CLEC19A: variants seen among roughly 807,000 people sequenced by gnomAD.
The protein encoded by CLEC19A is C-type lectin domain containing 19A, also known as C-type lectin domain family 19 member A.
CLEC19A carries 21 observed loss-of-function variants against 26.1 expected under a neutral mutation model. The ratio of observed to expected loss-of-function variants is 0.80; its 90% CI spans 0.57 to 1.16. CLEC19A has a LOEUF of 1.16. CLEC19A is among the 50% of genes most tolerant of loss of function. The pLI is 0.00. For missense variants in CLEC19A, 224 were observed against 227.6 expected (o/e 0.98, Z 0.10); for synonymous variants, 89 against 88.6 (o/e 1.00, Z -0.03).
intron 3 of CLEC19A, among the ~76,000 whole-genome samples, chr16:19,304,701 G>GA (rs200392261): frequency 0.23 from 34,269 of 146,922 alleles, 4,036 homozygotes; most frequent in East Asian, 0.4. Context: ...ACTCCAACTT[G>GA]AAAAAAAAAA....
chr16:19,285,743 C>A lies in CLEC19A; in HGVS notation c.-109C>A. 2 of 882,674 alleles carry A rather than the reference C, an allele frequency of 2.3e-6. No individual in the cohort carries two copies. Among genetic ancestry groups the A allele is most frequent in the Non-Finnish European group, 3.6e-6 (2 of 551,040 alleles). 54.7% of individuals were successfully genotyped at this position (882,674 alleles called of 1,614,324 possible). ...CTGGAGTCCATCCAGTCTGTCCCAGCTCCTGCCAGGCTCCATCTGACCCTA... is the reference window on the plus strand; with the variant it reads ...CTGGAGTCCATCCAGTCTGTCCCAGATCCTGCCAGGCTCCATCTGACCCTA... On this transcript the variant is annotated 5_prime_UTR_variant, in exon 1 of 5. Transcript: ENST00000636231.
chr16:19,304,626 G>A (rs1296577874), intron 3 of CLEC19A, among the ~76,000 whole-genome samples: 4 of 152,016 alleles, frequency 2.6e-5, no homozygotes, highest in Non-Finnish European at 5.9e-5. Context: ...GCTTGAACCC[G>A]GGAGGCAGAG....
intron 4 of CLEC19A, among the ~76,000 whole-genome samples, 177 bp downstream of exon 4, chr16:19,307,854 A>G (rs530418149): frequency 3.3e-5 from 5 of 152,328 alleles, no homozygotes; most frequent in Admixed American, 6.5e-5. Flanking sequence ...GCCATTCGCC[A>G]CAATGGATAT....
At chr16:19,297,371 T>A (rs1415160750) in intron 1 of CLEC19A, among the ~76,000 whole-genome samples, 1 of 152,220 alleles carries the variant, frequency 6.6e-6, no homozygotes, top group Admixed American at 6.5e-5. Flanking sequence ...GTGATAACAC[T>A]GAGCTCTGGC....
intron 3 of CLEC19A, among the ~76,000 whole-genome samples, chr16:19,306,731 C>T (rs1897963594): frequency 6.6e-6 from 1 of 150,968 alleles, no homozygotes; most frequent in African/African-American, 2.4e-5. Context: ...CTAAAGGACA[C>T]ATTAACTCCA....
At chr16:19,296,595 G>A (rs971597572) in intron 1 of CLEC19A, among the ~76,000 whole-genome samples, 1 of 152,160 alleles carries the variant, frequency 6.6e-6, no homozygotes, top group Admixed American at 6.5e-5. Context: ...AACTTTATGA[G>A]CAAAAACTTG....
chr16:19,300,366 C>T (rs1897794173), intron 2 of CLEC19A, among the ~76,000 whole-genome samples: 1 of 151,764 alleles, frequency 6.6e-6, no homozygotes. Context: ...ACAGGCAACA[C>T]AGCAAGACCC....
intron 1 of CLEC19A, among the ~76,000 whole-genome samples, chr16:19,296,196 T>A (rs561247608): frequency 6.6e-6 from 1 of 152,128 alleles, no homozygotes; most frequent in Middle Eastern, 3.4e-3. Flanking sequence ...GCCGCTGGGG[T>A]TGGGGACAGG....
intron 2 of CLEC19A, among the ~76,000 whole-genome samples, chr16:19,301,766 T>TAA (rs1555467832): frequency 1.7e-5 from 2 of 116,096 alleles, no homozygotes; most frequent in African/African-American, 3.2e-5. Context: ...TTTTTTTTTG[T>TAA]ATTTTTAGCA....
Position 19,304,066 on chromosome 16 carries a change from G to T in CLEC19A, c.259G>T (p.Glu87Ter), listed in dbSNP as rs1897892935. Residue 87 changes from glutamate (E) to a stop codon, truncating the protein, a stop_gained, in exon 3 of 5, where the codon GAG becomes TAG. Coordinates refer to ENST00000636231, the MANE Select transcript of CLEC19A (RefSeq NM_001256720.2). LOFTEE classifies it high-confidence loss of function. The stretch of plus-strand genomic sequence containing the variant: ...CTATTATTCTTAAATTCGCAGCTGG[G>T]AGGAGAATGTCTTTGTATATGACCT... ...SAKLASIHSW[E>*]ENVFVYDLVN... 1 of 1,548,690 alleles carries T rather than the reference G, an allele frequency of 6.5e-7. No homozygotes were observed. The highest frequency in any genetic ancestry group is 1.2e-5 in the South Asian group (1 of 83,992).
Position 19,307,602 on chromosome 16 carries a change from A to G in CLEC19A, c.406A>G (p.Ser136Gly). ...SSYDYSYWDG[S>G]QPDDGVHADP... Reference sequence around the variant, plus strand: ...CTATGACTACAGCTACTGGGATGGCAGCCAGCCAGATGATGGCGTCCACGC... The same window carrying G: ...CTATGACTACAGCTACTGGGATGGCGGCCAGCCAGATGATGGCGTCCACGC... Residue 136 changes from serine to glycine, a missense_variant, in exon 4 of 5, where the codon AGC becomes GGC. Ser to Gly is a moderately conservative substitution (Grantham distance 56). Transcript: ENST00000636231. The G allele has an allele frequency of 1.3e-6, 2 of 1,548,352 alleles. No individual in the cohort carries two copies. Among genetic ancestry groups the G allele is most frequent in the Admixed American group, 3.9e-5 (2 of 50,996 alleles).
At chr16:19,301,759 T>TTTTTTTTTTG (rs1897838348) in intron 2 of CLEC19A, among the ~76,000 whole-genome samples, 1 of 136,238 alleles carries the variant, frequency 7.3e-6, no homozygotes, top group Admixed American at 7.5e-5. Context: ...TTTTTTTTTT[T>TTTTTTTTTTG]TTTTTGTATT....
At chr16:19,293,852 G>A (rs1198063431) in intron 1 of CLEC19A, among the ~76,000 whole-genome samples, 1 of 152,104 alleles carries the variant, frequency 6.6e-6, no homozygotes, top group Non-Finnish European at 1.5e-5. Flanking sequence ...ATCACATCAA[G>A]GTAAATGAGG....
chr16:19,301,292 T>C (rs1172453425), intron 2 of CLEC19A, among the ~76,000 whole-genome samples: 1 of 152,010 alleles, frequency 6.6e-6, no homozygotes, highest in Non-Finnish European at 1.5e-5. Flanking sequence ...CTGTCAAGGA[T>C]TGGATAGAAA....
chr16:19,296,938 G>A (rs192824461), intron 1 of CLEC19A, among the ~76,000 whole-genome samples: 119 of 152,248 alleles, frequency 7.8e-4, no homozygotes, highest in Middle Eastern at 3.4e-3. Flanking sequence ...CAGATACAGA[G>A]CTGGGGGTAG....
chr16:19,294,713 A>G (rs755548392), intron 1 of CLEC19A, among the ~76,000 whole-genome samples: 3 of 152,338 alleles, frequency 2.0e-5, no homozygotes, highest in South Asian at 2.1e-4. Flanking sequence ...CTTTTAAGCC[A>G]TGGGCTAGGA....
intron 1 of CLEC19A, among the ~76,000 whole-genome samples, chr16:19,292,630 A>G (rs1897613841): frequency 6.6e-6 from 1 of 152,222 alleles, no homozygotes; most frequent in East Asian, 1.9e-4. Flanking sequence ...TGATGGGGAT[A>G]GAGGAGGAAT....
rs556217041 is a variant in CLEC19A at position 19,310,692 on chromosome 16, C to T, written c.*1609C>T. The stretch of plus-strand genomic sequence containing the variant: ...TTATGCTTCCAGTCACAAAAGACCA[C>T]ATGTTGTATGATTCCATATATATGA... On this transcript the variant is annotated 3_prime_UTR_variant, in exon 5 of 5. Transcript: ENST00000636231. 1.3e-5 allele frequency: 2 copies of T among 152,230 alleles called. No individual in the cohort carries two copies. The highest frequency in any genetic ancestry group is 4.8e-5 in the African/African-American group (2 of 41,524). The allele number at this position is 152,230 out of a possible 1,614,324, so 9.4% of individuals were successfully genotyped here. A position where few individuals can be genotyped will look rare whatever the true frequency, so the allele number is the denominator to read the frequency against.
chr16:19,309,202 G>T lies in CLEC19A; in HGVS notation c.*119G>T, dbSNP rs987473099. ...ATAGGAAGTAAATCTCTTGGACAGAGATTTTAAACAAGCAGATCTTAATTA... is the reference window on the plus strand; with the variant it reads ...ATAGGAAGTAAATCTCTTGGACAGATATTTTAAACAAGCAGATCTTAATTA... On this transcript the variant is annotated 3_prime_UTR_variant, in exon 5 of 5. Transcript: ENST00000636231. 2 of 749,956 alleles carry T rather than the reference G, an allele frequency of 2.7e-6. No homozygotes were observed. The highest frequency in any genetic ancestry group is 2.1e-6 in the Non-Finnish European group (1 of 465,834). The allele number at this position is 749,956 out of a possible 1,614,324, so 46.5% of individuals were successfully genotyped here.
Sources: gnomAD v4.1 joint callset for allele counts (sites outside exome capture counted in the v4.1 genomes callset) on GRCh38, gnomAD v4.1.1 for gene constraint, MANE v1.5 for transcripts, NCBI Gene and HGNC (gene_info 2026-07-23, HGNC 2026-07-21) for gene names.